The following RMC1 variants were observed in gnomAD, a reference collection of about 807,000 sequenced individuals.
RMC1 encodes regulator of MON1-CCZ1, also known as regulator of MON1-CCZ1 complex.
In RMC1, 44 loss-of-function variants were observed where a neutral mutation model predicts 95.5. The ratio of observed to expected loss-of-function variants is 0.46; its 90% confidence interval spans 0.36 to 0.59. The LOEUF (loss-of-function observed/expected upper bound fraction) is 0.59. Ranked by LOEUF, RMC1 falls within the 20% of genes least tolerant of loss-of-function variation. The pLI is 0.00. For synonymous variants in RMC1, 320 were observed against 303.6 expected, an observed-to-expected ratio of 1.05 and a Z score of -0.56; for missense variants, 705 against 819.6, an observed-to-expected ratio of 0.86 and a Z score of 1.71.
rs371988848 is a variant in RMC1, at chr18:23,521,695, C to CTT, written c.961+1393_961+1394dup. On this transcript the variant is annotated intron_variant, in intron 10 of 19. Transcript: ENST00000269221. ...AGAATATTCAACACACACTCTCTCTCTTTTTTTTTTTTCCTTAAACAGAAC... is the reference window on the plus strand; with the variant it reads ...AGAATATTCAACACACACTCTCTCTCTTTTTTTTTTTTTTCCTTAAACAGAAC... Among the ~76,000 whole-genome samples, 394 of 77,936 alleles carry CTT rather than the reference C, an allele frequency of 5.1e-3. 1 individual carries two copies. Among genetic ancestry groups the CTT allele is most frequent in the African/African-American group, 0.013 (364 of 28,368 alleles). The allele number at this position is 77,936 out of a possible 152,430, so 51.1% of individuals were successfully genotyped here.
At position 23,526,730 on chromosome 18, in the gene RMC1, A is replaced by C; in HGVS notation, c.1154A>C (p.Glu385Ala). The change falls in exon 13 of 20, where the codon GAA becomes GCA. Residue 385 changes from glutamate (E) to alanine (A), a missense_variant. Glu to Ala is a moderately radical substitution (Grantham distance 107). Coordinates refer to ENST00000269221, the MANE Select transcript of RMC1 (RefSeq NM_013326.5). ...ATGGACTTTCTCCTCCAGAGAAAGG[A>C]ATGCAAGATGGTCATCCTGTCTGTC... Reference protein sequence around the residue: ...RLMDFLLQRKECKMVILSVCS... With the variant: ...RLMDFLLQRKACKMVILSVCS... The C allele has an allele frequency of 6.2e-7, 1 of 1,614,174 alleles. No homozygotes were observed. The highest frequency in any genetic ancestry group is 8.5e-7 in the Non-Finnish European group (1 of 1,180,028).
intron 14 of RMC1, chr18:23,528,913 C>T: frequency 1.3e-5 from 4 of 304,278 alleles, no homozygotes; most frequent in South Asian, 5.2e-5. Context: ...GAGTTTTGTT[C>T]TTATTGCCCA....
intron 2 of RMC1, among the ~76,000 whole-genome samples, chr18:23,505,905 G>T (rs962092120): frequency 2.0e-5 from 3 of 152,126 alleles, no homozygotes; most frequent in Admixed American, 6.5e-5. Flanking sequence ...GGTGGCTCAT[G>T]CCTGTAATCC....
Position 23,506,980 on chromosome 18 carries a change from AAAG to A in RMC1, c.191_193del (p.Lys64_Gly65delinsArg). 6.2e-7 allele frequency: 1 copy of A among 1,603,806 alleles called. No individual in the cohort carries two copies. Among genetic ancestry groups the A allele is most frequent in the Non-Finnish European group, 8.5e-7 (1 of 1,173,978 alleles). On this transcript the variant is annotated inframe_deletion, in exon 3 of 20. Transcript: ENST00000269221. ...TCTTTCTTCTTAAAGAATGGATGAC[AAAG>A]GAGAAGTGAAGTGCATTAAGTTTTC...
chr18:23,522,457 T>G (rs530969828), intron 10 of RMC1: 1 of 152,352 alleles, frequency 6.6e-6, no homozygotes, highest in East Asian at 1.9e-4. Context: ...TTAAACTTTC[T>G]TAAAACATTA....
chr18:23,517,520 A>G (rs1250781082), intron 7 of RMC1, among the ~76,000 whole-genome samples: 1 of 152,200 alleles, frequency 6.6e-6, no homozygotes, highest in Non-Finnish European at 1.5e-5. Context: ...TTTTAAACAC[A>G]CAATAGAGAC....
rs747031460 is a variant in RMC1, at chr18:23,527,912, T to G, written c.1296+11T>G. The G allele has an allele frequency of 6.2e-7, 1 of 1,606,716 alleles. No homozygotes were observed. Among genetic ancestry groups the G allele is most frequent in the South Asian group, 1.1e-5 (1 of 90,614 alleles). On this transcript the variant is annotated intron_variant, in intron 14 of 19. Coordinates refer to ENST00000269221, the MANE Select transcript of RMC1 (RefSeq NM_013326.5). ...CAGAGTTATGCGATGGTGAGTTACA[T>G]GGAGTATGACAAAGGGTCCTCCTCC...
In RMC1 at chr18:23,515,874, A is replaced by G. The variant is rs2057989153; in HGVS notation, c.427A>G (p.Ser143Gly). 1 of 1,614,052 alleles carries G rather than the reference A, an allele frequency of 6.2e-7. No homozygotes were observed. Among genetic ancestry groups the G allele is most frequent in the Non-Finnish European group, 8.5e-7 (1 of 1,180,022 alleles). Residue 143 changes from serine to glycine, a missense_variant, in exon 6 of 20, where the codon AGT (serine) becomes GGT (glycine). Transcript: ENST00000269221. ...GCTTCAGGTATTACCAGAGAAACGG[A>G]GTCTGAAACTCTTGAAGAGCCACAA... ...EFYQVLPEKR[S>G]LKLLKSHNLN...
chr18:23,505,770 C>A (rs1168273860), intron 2 of RMC1, among the ~76,000 whole-genome samples: 1 of 152,100 alleles, frequency 6.6e-6, no homozygotes, highest in Non-Finnish European at 1.5e-5. Flanking sequence ...TCTCGTAAGA[C>A]CCGGGGGTCG....
At chr18:23,529,043 T>C (rs2058397975) in intron 14 of RMC1, 136 bp from the exon 15 acceptor site, 1 of 1,404,452 alleles carries the variant, frequency 7.1e-7, no homozygotes, top group Admixed American at 2.4e-5. Context: ...AGGAAAAAGT[T>C]GTATCTAAGT....
rs2058452119 is a variant in RMC1, at chr18:23,530,303, T to G, written c.1668+6T>G. Reference sequence around the variant, plus strand: ...TATCTCTGGACATGCTGAAGGTAACTCTGATGTGTGAGGTTTTAGACTATG... The same window carrying G: ...TATCTCTGGACATGCTGAAGGTAACGCTGATGTGTGAGGTTTTAGACTATG... On this transcript the variant is annotated splice_donor_region_variant and intron_variant, in intron 18 of 19. Transcript: ENST00000269221. 1.2e-6 allele frequency: 2 copies of G among 1,614,098 alleles called. No homozygotes were observed. The highest frequency in any genetic ancestry group is 1.7e-6 in the Non-Finnish European group (2 of 1,180,020).
intron 10 of RMC1, among the ~76,000 whole-genome samples, chr18:23,521,098 G>A (rs2058131055): frequency 6.6e-6 from 1 of 151,940 alleles, no homozygotes; most frequent in African/African-American, 2.4e-5. Flanking sequence ...CAGGTGATCC[G>A]CCTGCCTCGC....
intron 16 of RMC1, 23 bp from the exon 17 acceptor site, chr18:23,530,005 T>C: frequency 6.3e-7 from 1 of 1,590,626 alleles, no homozygotes; most frequent in Non-Finnish European, 8.6e-7. Context: ...AAGTGTTCTT[T>C]CACTTTTTAC....
chr18:23,528,101 C>T (rs976418021), intron 14 of RMC1, 200 bp downstream of exon 14: 27 of 509,428 alleles, frequency 5.3e-5, no homozygotes, highest in East Asian at 1.0e-4. Flanking sequence ...CACGAGCTGG[C>T]GGCTGCATCT....
intron 7 of RMC1, 38 bp downstream of exon 7, chr18:23,516,461 C>T (rs2058007994): frequency 6.3e-7 from 1 of 1,588,196 alleles, no homozygotes. Flanking sequence ...CCTGTGATTG[C>T]TTTCAGTAAT....
intron 6 of RMC1, among the ~76,000 whole-genome samples, 159 bp from the exon 7 acceptor site, chr18:23,516,161 C>T (rs947435451): frequency 6.6e-6 from 1 of 152,216 alleles, no homozygotes; most frequent in Non-Finnish European, 1.5e-5. Flanking sequence ...TGGAGCCATT[C>T]ATTCTATGCT....
Position 23,516,357 on chromosome 18 carries a change from A to G in RMC1, c.587A>G (p.Glu196Gly), listed in dbSNP as rs533549598. 1 of 1,614,256 alleles carries G rather than the reference A, an allele frequency of 6.2e-7. No individual in the cohort carries two copies. Among genetic ancestry groups the G allele is most frequent in the African/African-American group, 1.3e-5 (1 of 75,066 alleles). ...TCGAAGCTGCCCAAATTTGAGATTG[A>G]ATTACCAGCTGCGCCTAAGTCAACT... ...TMSKLPKFEIELPAAPKSTKP... is the reference protein window; with the variant it reads ...TMSKLPKFEIGLPAAPKSTKP... Residue 196 changes from glutamate to glycine, a missense_variant, in exon 7 of 20, where the codon GAA becomes GGA. Transcript: ENST00000269221.
intron 1 of RMC1, 86 bp downstream of exon 1, chr18:23,503,806 G>A: frequency 1.7e-6 from 2 of 1,184,974 alleles, no homozygotes; most frequent in South Asian, 3.2e-5. Context: ...CCAGGCCCGA[G>A]CGTCCCCTCC....
chr18:23,529,362 CGAG>C (rs749057832), intron 15 of RMC1, 64 bp downstream of exon 15: 30 of 1,556,394 alleles, frequency 1.9e-5, no homozygotes, highest in Non-Finnish European at 2.4e-5. Flanking sequence ...TTGCTGAAAA[CGAG>C]GAGACTTCAT....
Sources: allele counts gnomAD v4.1 joint callset (sites outside exome capture counted in the v4.1 genomes callset), GRCh38; gene constraint gnomAD v4.1.1; transcripts MANE v1.5; gene names NCBI Gene and HGNC (gene_info 2026-07-23, HGNC 2026-07-21).